The following DOCK2 variants were observed in gnomAD, a reference collection of about 807,000 sequenced individuals.
DOCK2 encodes dedicator of cytokinesis 2.
A neutral mutation model predicts 248.9 loss-of-function variants in DOCK2; 87 were observed. The ratio of observed to expected loss-of-function variants is 0.35; its 90% confidence interval spans 0.29 to 0.42. The LOEUF (loss-of-function observed/expected upper bound fraction) is 0.42. Ranked by LOEUF, DOCK2 falls within the 10% of genes least tolerant of loss-of-function variation. DOCK2 has a pLI of 1.00. For missense variants in DOCK2, 1,747 were observed against 2,300.2 expected (o/e 0.76, Z 4.92); for synonymous variants, 805 against 821.6 (o/e 0.98, Z 0.35).
At chr5:169,711,227 A>G (rs1180994178) in intron 15 of DOCK2, among the ~76,000 whole-genome samples, 1 of 152,230 alleles carries the variant, frequency 6.6e-6, no homozygotes, top group Non-Finnish European at 1.5e-5. Flanking sequence ...TCTCTCAGGT[A>G]GCTAACCTTC....
chr5:169,808,465 AT>A (rs569340213), intron 26 of DOCK2, among the ~76,000 whole-genome samples: 7 of 151,362 alleles, frequency 4.6e-5, no homozygotes, highest in African/African-American at 1.7e-4. Context: ...CTGGCTGTTG[AT>A]TTTTTTTTAA....
At chr5:169,738,112 T>C (rs777143505) in intron 22 of DOCK2, among the ~76,000 whole-genome samples, 2 of 152,198 alleles carry the variant, frequency 1.3e-5, no homozygotes, top group Admixed American at 6.5e-5. Context: ...CATTGCTTGC[T>C]TGGTGGTGGG....
chr5:169,967,863 T>G (rs1449526722), intron 27 of DOCK2, among the ~76,000 whole-genome samples: 1 of 152,150 alleles, frequency 6.6e-6, no homozygotes, highest in African/African-American at 2.4e-5. Context: ...GGCTTGTGAT[T>G]TATTGAATGT....
chr5:169,764,586 T>C lies in DOCK2; in HGVS notation c.2554+2961T>C, dbSNP rs542671430. The stretch of plus-strand genomic sequence containing the variant: ...AATGAGATGGATGATGCATTTAAAG[T>C]ACTTGACACAGCACTGGGCTCAGCA... On this transcript the variant is annotated intron_variant, in intron 25 of 51. Coordinates refer to ENST00000520908, the MANE Select transcript of DOCK2 (RefSeq NM_004946.3). The surrounding 1 kb of genome is among the most constrained non-coding windows in gnomAD (Gnocchi z 4.3). Among the ~76,000 whole-genome samples the C allele has an allele frequency of 3.9e-4, 60 of 152,202 alleles. No individual in the cohort carries two copies. The highest frequency in any genetic ancestry group is 2.6e-4 in the Non-Finnish European group (18 of 68,036).
intron 25 of DOCK2, among the ~76,000 whole-genome samples, chr5:169,799,933 T>C (rs996192460): frequency 2.0e-4 from 30 of 152,100 alleles, no homozygotes; most frequent in African/African-American, 6.8e-4. Flanking sequence ...GCCTCCTGAG[T>C]AGCTGGGACT....
chr5:170,036,567 A>G lies in DOCK2; in HGVS notation c.3665+12A>G. The G allele has an allele frequency of 6.2e-7, 1 of 1,612,328 alleles. No individual in the cohort carries two copies. The highest frequency in any genetic ancestry group is 8.5e-7 in the Non-Finnish European group (1 of 1,179,160). On this transcript the variant is annotated intron_variant, in intron 36 of 51. Coordinates refer to ENST00000520908, the MANE Select transcript of DOCK2 (RefSeq NM_004946.3). ...GAGATGTACATAAGGTAAGATTCAT[A>G]TTTTCTAAAATCCAGACCTGCTGTG... is the stretch of plus-strand genomic sequence containing the variant.
intron 30 of DOCK2, among the ~76,000 whole-genome samples, chr5:170,001,716 G>C (rs936100375): frequency 2.0e-5 from 3 of 152,194 alleles, no homozygotes; most frequent in African/African-American, 4.8e-5. Context: ...CGTGATGTGC[G>C]ATACTGTGTG....
At chr5:170,001,355 T>C (rs372063464) in intron 30 of DOCK2, among the ~76,000 whole-genome samples, 5 of 152,234 alleles carry the variant, frequency 3.3e-5, no homozygotes, top group African/African-American at 1.2e-4. Flanking sequence ...ATAAAGACTA[T>C]AGTCTTTATA....
Position 169,754,613 on chromosome 5 carries a change from C to A in DOCK2, c.2377-5092C>A, listed in dbSNP as rs1764090977. Among the ~76,000 whole-genome samples the A allele has an allele frequency of 2.6e-5, 4 of 152,210 alleles. 1 individual carries two copies. In the South Asian group the frequency reaches 8.3e-4, roughly 31 times the overall value. On this transcript the variant is annotated intron_variant, in intron 23 of 51. Transcript: ENST00000520908. ...TTTTCCACTTCCTCCTCCAAATTAG[C>A]CTTCTCGCCCCTGCTGAATCCTCCC...
intron 32 of DOCK2, among the ~76,000 whole-genome samples, chr5:170,014,097 A>G (rs555882383): frequency 2.0e-5 from 3 of 152,302 alleles, no homozygotes; most frequent in African/African-American, 7.2e-5. Flanking sequence ...AAGGAAAGAC[A>G]GGGAAAGGGC....
At chr5:169,779,259 C>T (rs1311721001) in intron 25 of DOCK2, 2 of 152,272 alleles carry the variant, frequency 1.3e-5, no homozygotes, top group South Asian at 2.1e-4. Context: ...AAGATAGAAC[C>T]CCTGGTTCAG....
intron 41 of DOCK2, among the ~76,000 whole-genome samples, chr5:170,050,738 C>A (rs1394562469): frequency 3.9e-5 from 6 of 152,182 alleles, no homozygotes; most frequent in Non-Finnish European, 8.8e-5. Flanking sequence ...GTTCCCATCT[C>A]CCACGGTGCC....
chr5:169,828,783 T>C (rs1434656588), intron 26 of DOCK2, among the ~76,000 whole-genome samples: 1 of 152,234 alleles, frequency 6.6e-6, no homozygotes, highest in Non-Finnish European at 1.5e-5. Flanking sequence ...CCTTTCTCTC[T>C]GCAACAGTTA....
Position 170,055,319 on chromosome 5 carries a change from A to G in DOCK2, c.4228A>G (p.Thr1410Ala), listed in dbSNP as rs780052787. 3 of 1,614,062 alleles carry G rather than the reference A, an allele frequency of 1.9e-6. No individual in the cohort carries two copies. The highest frequency in any genetic ancestry group is 2.2e-5 in the South Asian group (2 of 91,078). ...AGGGATTCCAGATATCCAGTGCTTC[A>G]CTGTCCAGCCTGTCTTGGATGAACA... is the stretch of plus-strand genomic sequence containing the variant. ...NAPGQYIQCF[T>A]VQPVLDEHPR... is the part of the protein sequence containing the mutation. The change falls in exon 42 of 52, where the codon ACT becomes GCT. Residue 1410 changes from threonine to alanine, a missense_variant. Physicochemically the swap from Thr to Ala is moderately conservative, Grantham distance 58. This residue lies in a region of DOCK2 where 513 missense variants were observed against 586.1 expected (regional missense o/e 0.88). Coordinates refer to ENST00000520908, the MANE Select transcript of DOCK2 (RefSeq NM_004946.3).
intron 25 of DOCK2, chr5:169,773,176 G>C (rs2113776233): frequency 6.6e-6 from 1 of 152,258 alleles, no homozygotes; most frequent in Non-Finnish European, 1.5e-5. Context: ...CATTCTCAGA[G>C]AGAAACCTTC....
At chr5:170,025,510 G>A (rs1755870200) in intron 33 of DOCK2, among the ~76,000 whole-genome samples, 1 of 152,200 alleles carries the variant, frequency 6.6e-6, no homozygotes, top group African/African-American at 2.4e-5. Flanking sequence ...AGATGGCAGA[G>A]GGAAGCGGTG....
chr5:169,784,893 A>C (rs1765902044), intron 25 of DOCK2, among the ~76,000 whole-genome samples: 1 of 152,244 alleles, frequency 6.6e-6, no homozygotes, highest in Non-Finnish European at 1.5e-5. Context: ...AATTATGATG[A>C]ATACATAGCA....
At chr5:169,702,208 G>C in intron 13 of DOCK2, 95 bp from the exon 14 acceptor site, 1 of 1,462,366 alleles carries the variant, frequency 6.8e-7, no homozygotes, top group Non-Finnish European at 9.3e-7. Context: ...ATCCAGGTGG[G>C]AGAGCTTCTT....
intron 26 of DOCK2, among the ~76,000 whole-genome samples, chr5:169,817,357 A>C (rs1202013932): frequency 1.3e-5 from 2 of 152,224 alleles, no homozygotes; most frequent in African/African-American, 2.4e-5. Context: ...TCTATCCAAC[A>C]GCTCACTAAA....
Sources: allele counts gnomAD v4.1 joint callset (sites outside exome capture counted in the v4.1 genomes callset), GRCh38; gene constraint gnomAD v4.1.1; regional missense constraint gnomAD v4.1.1; non-coding constraint Gnocchi (gnomAD v3.1); transcripts MANE v1.5; gene names NCBI Gene and HGNC (gene_info 2026-07-23, HGNC 2026-07-21).